Variants in SLC35B3 observed in about 807,000 individuals in gnomAD.
The protein encoded by SLC35B3 is adenosine 3'-phospho 5'-phosphosulfate transporter 2.
Under a neutral mutation model 44.1 loss-of-function variants are expected in SLC35B3, and 35 were observed. The ratio of observed to expected loss-of-function variants is 0.79; its 90% confidence interval spans 0.61 to 1.05. SLC35B3 has a LOEUF of 1.05. Ranked by LOEUF, SLC35B3 falls within the 50% of genes least tolerant of loss-of-function variation. SLC35B3 has a pLI of 0.00. For missense variants in SLC35B3, 414 were observed against 476.4 expected (o/e 0.87, Z 1.22); for synonymous variants, 146 against 167.3 (o/e 0.87, Z 0.98).
rs377112417 is a variant in SLC35B3, at chr6:8,414,896, A to G, written c.1055+12T>C. 3 of 1,503,838 alleles carry G rather than the reference A, an allele frequency of 2.0e-6. No individual in the cohort carries two copies. The highest frequency in any genetic ancestry group is 3.4e-5 in the Admixed American group (2 of 58,104). The allele number at this position is 1,503,838 out of a possible 1,614,324, so 93.2% of individuals were successfully genotyped here. ...AAAACTGAGAAAAATTGTTTAATTA[A>G]GAAGTACTTACTGAAACGTGAATGG... On this transcript the variant is annotated intron_variant, in intron 10 of 10. Transcript: ENST00000644923.
chr6:8,428,362 A>T (rs1763639126), intron 3 of SLC35B3, among the ~76,000 whole-genome samples: 1 of 152,212 alleles, frequency 6.6e-6, no homozygotes. Flanking sequence ...ACTAAGAGTT[A>T]TTCTAATAGT....
At position 8,422,513 on chromosome 6, in the gene SLC35B3, G is replaced by A. The variant is rs1441619668; in HGVS notation, c.531C>T (p.Cys177=). The A allele has an allele frequency of 1.1e-5, 18 of 1,613,462 alleles. No homozygotes were observed. The highest frequency in any genetic ancestry group is 1.4e-5 in the Non-Finnish European group (17 of 1,179,652). Reference sequence around the variant, plus strand: ...CTAGCATAACAGGAATCAATTTGCAGCACTTGAAGATGACTTGGGTAGGGT... The same window carrying A: ...CTAGCATAACAGGAATCAATTTGCAACACTTGAAGATGACTTGGGTAGGGT... Residue 177 remains cysteine, a synonymous_variant, in exon 5 of 11, where the codon TGC becomes TGT. Coordinates refer to ENST00000644923, the MANE Select transcript of SLC35B3 (RefSeq NM_001370476.2).
chr6:8,434,981 C>T lies in SLC35B3; in HGVS notation c.-44+362G>A, dbSNP rs1764347415. ...ATTTAATAAACACGGAACGAGGAAA[C>T]AGTTAACTGTAAATACAGTCTAGAG... On this transcript the variant is annotated intron_variant, in intron 1 of 10. Transcript: ENST00000644923. The surrounding 1 kb of genome is among the most constrained non-coding windows in gnomAD (Gnocchi z 6.3). 1 of 715,222 alleles carries T rather than the reference C, an allele frequency of 1.4e-6. No individual in the cohort carries two copies. The highest frequency in any genetic ancestry group is 1.9e-5 in the African/African-American group (1 of 52,758). The allele number at this position is 715,222 out of a possible 1,614,324, so 44.3% of individuals were successfully genotyped here.
intron 4 of SLC35B3, 136 bp downstream of exon 3, chr6:8,427,801 G>A (rs1468696791): frequency 3.1e-6 from 2 of 635,662 alleles, no homozygotes; most frequent in Non-Finnish European, 5.2e-6. Flanking sequence ...AATGTATTTA[G>A]TATTAAGTTA....
rs932829488 is a variant in SLC35B3 at position 8,434,585 on chromosome 6, TTAAG to T, written c.-43-159_-43-156del. 2.0e-5 allele frequency among the ~76,000 whole-genome samples: 3 copies of T among 152,272 alleles called. No homozygotes were observed. The highest frequency in any genetic ancestry group is 4.1e-4 in the South Asian group (2 of 4,828). On this transcript the variant is annotated intron_variant, in intron 1 of 10. Transcript: ENST00000644923. This position sits in a 1 kb window ranked among gnomAD's most constrained non-coding sequence, Gnocchi z 6.3. ...AAAGTTAACACTAGGACTTTATATA[TTAAG>T]TAATTAAGTAAAAATAACGCTGTCT...
chr6:8,425,175 G>A (rs1207003649), intron 4 of SLC35B3, among the ~76,000 whole-genome samples: 1 of 152,146 alleles, frequency 6.6e-6, no homozygotes, highest in Non-Finnish European at 1.5e-5. Flanking sequence ...CTCTCATCGG[G>A]GTAGCTGATA....
chr6:8,435,227 C>T lies in SLC35B3; in HGVS notation c.-44+116G>A. On this transcript the variant is annotated intron_variant, in intron 1 of 10. Transcript: ENST00000644923. This position sits in a 1 kb window ranked among gnomAD's most constrained non-coding sequence, Gnocchi z 5.5. ...GAATCACCCGTTTCTTCCATCCCGA[C>T]CTCATCCATTCCTCGAACGCTCCTT... The T allele has an allele frequency of 1.6e-6, 2 of 1,289,324 alleles. No homozygotes were observed. Among genetic ancestry groups the T allele is most frequent in the South Asian group, 1.2e-5 (1 of 81,022 alleles). 79.9% of individuals were successfully genotyped at this position (1,289,324 alleles called of 1,614,324 possible). A position where few individuals can be genotyped will look rare whatever the true frequency, so the allele number is the denominator to read the frequency against.
At chr6:8,423,135 G>T (rs1486569889) in intron 4 of SLC35B3, among the ~76,000 whole-genome samples, 1 of 152,086 alleles carries the variant, frequency 6.6e-6, no homozygotes, top group African/African-American at 2.4e-5. Flanking sequence ...CTACAGGTGT[G>T]CGCCACCATG....
chr6:8,424,487 T>C (rs1201649345), intron 4 of SLC35B3, among the ~76,000 whole-genome samples: 2 of 152,170 alleles, frequency 1.3e-5, no homozygotes, highest in Admixed American at 1.3e-4. Context: ...CTCGAACTCC[T>C]AACCTCAGGT....
chr6:8,413,437 CA>C lies in SLC35B3; in HGVS notation c.*111del. ...AACAACTTCATATGAAATCTGTCCA[CA>C]AATGGGATAGCAATGCCTCCAGATC... On this transcript the variant is annotated 3_prime_UTR_variant, in exon 11 of 11. Transcript: ENST00000644923. The C allele has an allele frequency of 1.1e-6, 1 of 908,952 alleles. No individual in the cohort carries two copies. Among genetic ancestry groups the C allele is most frequent in the South Asian group, 1.8e-5 (1 of 55,370 alleles). The allele number at this position is 908,952 out of a possible 1,614,324, so 56.3% of individuals were successfully genotyped here. A position where few individuals can be genotyped will look rare whatever the true frequency, so the allele number is the denominator to read the frequency against.
In SLC35B3 at chr6:8,419,276, C is replaced by G. The variant is rs1413317207; in HGVS notation, c.780+304G>C. On this transcript the variant is annotated intron_variant, in intron 7 of 10. Transcript: ENST00000644923. This position sits in a 1 kb window ranked among gnomAD's most constrained non-coding sequence, Gnocchi z 4.3. ...GACAAATTGGGCCATATAAAAATTACAAACTTCTACATGGAAAAATACTAC... is the reference window on the plus strand; with the variant it reads ...GACAAATTGGGCCATATAAAAATTAGAAACTTCTACATGGAAAAATACTAC... 6.6e-6 allele frequency among the ~76,000 whole-genome samples: 1 copy of G among 151,816 alleles called. No individual in the cohort carries two copies. The highest frequency in any genetic ancestry group is 2.4e-5 in the African/African-American group (1 of 41,382).
chr6:8,417,726 T>C (rs1762544226), intron 7 of SLC35B3, among the ~76,000 whole-genome samples: 1 of 152,152 alleles, frequency 6.6e-6, no homozygotes, highest in African/African-American at 2.4e-5. Context: ...CTTTCATATA[T>C]GCTTACATAT....
At chr6:8,424,808 C>T (rs1371192774) in intron 4 of SLC35B3, among the ~76,000 whole-genome samples, 2 of 152,114 alleles carry the variant, frequency 1.3e-5, no homozygotes, top group African/African-American at 2.4e-5. Context: ...GACCCAAGTG[C>T]CAAGACCCAA....
intron 9 of SLC35B3, 69 bp from the exon 9 acceptor site, chr6:8,415,046 A>G: frequency 3.7e-6 from 4 of 1,085,186 alleles, no homozygotes; most frequent in Non-Finnish European, 4.1e-6. Context: ...TCACTTATTC[A>G]GCAAATATTT....
In SLC35B3 at chr6:8,429,885, G is replaced by A. The variant is rs1763794785; in HGVS notation, c.276C>T (p.Tyr92=). 1 of 1,593,588 alleles carries A rather than the reference G, an allele frequency of 6.3e-7. No individual in the cohort carries two copies. Among genetic ancestry groups the A allele is most frequent in the South Asian group, 1.1e-5 (1 of 88,378 alleles). Residue 92 remains tyrosine, a synonymous_variant, in exon 3 of 11, where the codon TAC becomes TAT. Transcript: ENST00000644923. ...TTACCTGTAAATACCCATAAATTAGGTAAAATACAAAAACTCCAGCAACAC... is the reference window on the plus strand; with the variant it reads ...TTACCTGTAAATACCCATAAATTAGATAAAATACAAAAACTCCAGCAACAC...
chr6:8,421,777 T>A lies in SLC35B3; in HGVS notation c.574+693A>T, dbSNP rs145734795. On this transcript the variant is annotated intron_variant, in intron 5 of 10. Coordinates refer to ENST00000644923, the MANE Select transcript of SLC35B3 (RefSeq NM_001370476.2). Reference sequence around the variant, plus strand: ...TTTACTTCAATATGAGAACTGCCCATGCACAATGGAAGTGAAGGGTAGACC... The same window carrying A: ...TTTACTTCAATATGAGAACTGCCCAAGCACAATGGAAGTGAAGGGTAGACC... Among the ~76,000 whole-genome samples the A allele has an allele frequency of 3.0e-3, 459 of 152,190 alleles. 1 individual carries two copies. Among genetic ancestry groups the A allele is most frequent in the African/African-American group, 0.01 (418 of 41,514 alleles).
At chr6:8,416,328 T>C (rs1388529540) in intron 9 of SLC35B3, among the ~76,000 whole-genome samples, 1 of 152,158 alleles carries the variant, frequency 6.6e-6, no homozygotes, top group Non-Finnish European at 1.5e-5. Context: ...TTGACTCATC[T>C]GTTCCCCTCA....
At chr6:8,427,023 T>G (rs1283139740) in intron 4 of SLC35B3, among the ~76,000 whole-genome samples, 2 of 152,172 alleles carry the variant, frequency 1.3e-5, no homozygotes, top group Admixed American at 1.3e-4. Context: ...TATGGAACTT[T>G]GAGATGATTT....
intron 2 of SLC35B3, among the ~76,000 whole-genome samples, chr6:8,431,606 C>G (rs957654382): frequency 2.0e-5 from 3 of 152,186 alleles, no homozygotes; most frequent in African/African-American, 7.2e-5. Context: ...TTATTCTTCA[C>G]TTTCCTTTGT....
Sources: gnomAD v4.1 joint callset for allele counts (sites outside exome capture counted in the v4.1 genomes callset) on GRCh38, gnomAD v4.1.1 for gene constraint, Gnocchi (gnomAD v3.1) non-coding constraint, MANE v1.5 for transcripts, NCBI Gene and HGNC (gene_info 2026-07-23, HGNC 2026-07-21) for gene names.